The following WNT4 variants were observed in gnomAD, a reference collection of about 807,000 sequenced individuals.
WNT4 encodes the protein Wnt family member 4, also known as protein Wnt-4.
WNT4 carries 16 observed loss-of-function variants against 34.5 expected under a neutral mutation model. That is an observed-to-expected ratio of 0.46 (90% CI 0.31 to 0.70). The LOEUF (loss-of-function observed/expected upper bound fraction) is 0.70, where lower values mean the gene tolerates loss of function less well. WNT4 is among the 30% of genes least tolerant of loss of function. WNT4 has a pLI of 0.04. For missense variants in WNT4, 379 were observed against 495.9 expected, an observed-to-expected ratio of 0.76 and a Z score of 2.24; for synonymous variants, 200 against 211.9, an observed-to-expected ratio of 0.94 and a Z score of 0.49.
chr1:22,129,806 C>G lies in WNT4; in HGVS notation c.123G>C (p.Glu41Asp). Residue 41 changes from glutamate (E) to aspartate (D), a missense_variant, in exon 2 of 5, where the codon GAG (glutamate) becomes GAC (aspartate). Physicochemically the swap from Glu to Asp is conservative, Grantham distance 45. This residue lies in a region of WNT4 where 66 missense variants were observed against 50.1 expected (regional missense o/e 1.32). Coordinates refer to ENST00000290167, the MANE Select transcript of WNT4 (RefSeq NM_030761.5). ...TCAGGCCCTTGAGTTTCTCGCACGTCTCCTCCTCTGAGATGCTCCCCACCG... is the reference window on the plus strand; with the variant it reads ...TCAGGCCCTTGAGTTTCTCGCACGTGTCCTCCTCTGAGATGCTCCCCACCG... Reference protein sequence around the residue: ...LSSVGSISEEETCEKLKGLIQ... With the variant: ...LSSVGSISEEDTCEKLKGLIQ... 5 of 1,614,096 alleles carry G rather than the reference C, an allele frequency of 3.1e-6. No homozygotes were observed. Among genetic ancestry groups the G allele is most frequent in the Non-Finnish European group, 4.2e-6 (5 of 1,180,046 alleles).
Position 22,120,079 on chromosome 1 carries a change from G to A in WNT4, c.1027C>T (p.Arg343Trp), listed in dbSNP as rs374814132. The change falls in exon 5 of 5, where the codon CGG becomes TGG. Residue 343 changes from arginine to tryptophan, a missense_variant. By Grantham distance (101) the Arg-to-Trp change is moderately radical (BLOSUM62 -3). Around this residue, in one of 2 missense-constraint regions of WNT4, gnomAD observed 313 missense variants for 445.8 expected, o/e 0.70. Coordinates refer to ENST00000290167, the MANE Select transcript of WNT4 (RefSeq NM_030761.5). ...CGGCACGTGTGCAACTCCACGAGCC[G>A]CTGGCACTGCCGGCACTTGACGAAG... is the stretch of plus-strand genomic sequence containing the variant. ...CCFVKCRQCQ[R>W]LVELHTCR 17 of 1,611,396 alleles carry A rather than the reference G, an allele frequency of 1.1e-5. No homozygotes were observed. Among genetic ancestry groups the A allele is most frequent in the East Asian group, 2.2e-5 (1 of 44,884 alleles).
intron 2 of WNT4, among the ~76,000 whole-genome samples, chr1:22,123,140 T>A (rs1426036394): frequency 2.0e-5 from 3 of 152,210 alleles, no homozygotes; most frequent in African/African-American, 7.2e-5. Flanking sequence ...AGCACAAATC[T>A]TTGCCCCAAA....
At chr1:22,136,418 G>A (rs1317971320) in intron 1 of WNT4, among the ~76,000 whole-genome samples, 1 of 152,212 alleles carries the variant, frequency 6.6e-6, no homozygotes, top group Admixed American at 6.5e-5. Flanking sequence ...GGAAAGAGGA[G>A]GGACAGGTGA....
Position 22,142,756 on chromosome 1 carries a change from C to A in WNT4, c.77+90G>T, listed in dbSNP as rs1646080921. On this transcript the variant is annotated intron_variant, in intron 1 of 4. Coordinates refer to ENST00000290167, the MANE Select transcript of WNT4 (RefSeq NM_030761.5). The surrounding 1 kb of genome is among the most constrained non-coding windows in gnomAD (Gnocchi z 6.0). ...CCGAGACACCTGCCGGGCTGCCCCG[C>A]GCCCGCTGCCCCGCGCCGCCTGGCA... 2 of 892,882 alleles carry A rather than the reference C, an allele frequency of 2.2e-6. No homozygotes were observed. The highest frequency in any genetic ancestry group is 9.9e-5 in the South Asian group (2 of 20,166). 55.3% of individuals were successfully genotyped at this position (892,882 alleles called of 1,614,324 possible). A position where few individuals can be genotyped will look rare whatever the true frequency, so the allele number is the denominator to read the frequency against.
chr1:22,126,926 T>C (rs1317542191), intron 2 of WNT4: 1 of 261,264 alleles, frequency 3.8e-6, no homozygotes, highest in Non-Finnish European at 7.5e-6. Flanking sequence ...GCCTCACCCT[T>C]CCTCCATCTG....
At position 22,119,579 on chromosome 1, in the gene WNT4, G is replaced by C. The variant is rs1336402947; in HGVS notation, c.*471C>G. 6 of 194,964 alleles carry C rather than the reference G, an allele frequency of 3.1e-5. No homozygotes were observed. The highest frequency in any genetic ancestry group is 2.1e-4 in the Admixed American group (4 of 18,774). 12.1% of individuals were successfully genotyped at this position (194,964 alleles called of 1,614,324 possible). ...ATGGCTTCTAGGCTCAAGCTGCCAGGAGTCCATGTGTATGTGTGCTGGAGA... is the reference window on the plus strand; with the variant it reads ...ATGGCTTCTAGGCTCAAGCTGCCAGCAGTCCATGTGTATGTGTGCTGGAGA... On this transcript the variant is annotated 3_prime_UTR_variant, in exon 5 of 5. Transcript: ENST00000290167.
At chr1:22,124,997 C>T (rs543802343) in intron 2 of WNT4, among the ~76,000 whole-genome samples, 1 of 152,300 alleles carries the variant, frequency 6.6e-6, no homozygotes, top group Non-Finnish European at 1.5e-5. Flanking sequence ...CAGAAACCTA[C>T]CTTTTCTTGA....
chr1:22,131,653 G>A (rs1261378244), intron 1 of WNT4, among the ~76,000 whole-genome samples: 1 of 152,208 alleles, frequency 6.6e-6, no homozygotes, highest in Non-Finnish European at 1.5e-5. Context: ...AGGAATGCCC[G>A]TGATTTGCTG....
intron 1 of WNT4, among the ~76,000 whole-genome samples, chr1:22,132,537 T>C (rs1217145982): frequency 6.6e-6 from 1 of 152,198 alleles, no homozygotes; most frequent in Non-Finnish European, 1.5e-5. Flanking sequence ...TGGCCGGGCC[T>C]CAGGGGCCTG....
At chr1:22,123,773 C>T (rs1429101991) in intron 2 of WNT4, among the ~76,000 whole-genome samples, 1 of 152,182 alleles carries the variant, frequency 6.6e-6, no homozygotes, top group Non-Finnish European at 1.5e-5. Context: ...CCTGGGAATA[C>T]ACATGCAGTT....
At chr1:22,126,280 C>T (rs976146541) in intron 2 of WNT4, among the ~76,000 whole-genome samples, 2 of 152,090 alleles carry the variant, frequency 1.3e-5, no homozygotes, top group Admixed American at 6.5e-5. Context: ...AGTGGGAGAG[C>T]CCCCCCAGCC....
rs1290354302 is a variant in WNT4 at position 22,120,143 on chromosome 1, C to T, written c.963G>A (p.Glu321=). 6.2e-7 allele frequency: 1 copy of T among 1,613,366 alleles called. No homozygotes were observed. Among genetic ancestry groups the T allele is most frequent in the Non-Finnish European group, 8.5e-7 (1 of 1,179,892 alleles). ...ATTTGCAGCTGCAGCGTTCAGCCAG[C>T]TCCACCTGCGCCGTGTGGAAGCCGC... The part of the protein sequence containing the change: ...CGRGFHTAQV[E]LAERCSCKFH... Residue 321 remains glutamate (E), a synonymous_variant, in exon 5 of 5, where the codon GAG becomes GAA. Transcript: ENST00000290167.
At chr1:22,120,610 C>G in intron 4 of WNT4, 93 bp from the exon 5 acceptor site, 1 of 1,295,862 alleles carries the variant, frequency 7.7e-7, no homozygotes, top group Non-Finnish European at 1.1e-6. Flanking sequence ...ATCGGGGTCC[C>G]TGGGGCTGAC....
rs759526796 is a variant in WNT4, at chr1:22,121,550, C to A, written c.340G>T (p.Ala114Ser). The A allele has an allele frequency of 3.3e-5, 53 of 1,613,656 alleles. No individual in the cohort carries two copies. Among genetic ancestry groups the A allele is most frequent in the Non-Finnish European group, 4.2e-5 (49 of 1,180,038 alleles). ...QGTREAAFVY[A>S]ISSAGVAFAV... ...AAGGCCACACCTGCCGAAGAGATGGCGTACACGAAGGCCGCCTCCCGAGTC... is the reference window on the plus strand; with the variant it reads ...AAGGCCACACCTGCCGAAGAGATGGAGTACACGAAGGCCGCCTCCCGAGTC... Residue 114 changes from alanine (A) to serine (S), a missense_variant, in exon 3 of 5, where the codon GCC (alanine) becomes TCC (serine). Physicochemically the swap from Ala to Ser is moderately conservative, Grantham distance 99. Transcript: ENST00000290167.
intron 2 of WNT4, among the ~76,000 whole-genome samples, chr1:22,127,694 G>T (rs1323843065): frequency 6.6e-6 from 1 of 152,212 alleles, no homozygotes; most frequent in Non-Finnish European, 1.5e-5. Flanking sequence ...AGCTGTTGGT[G>T]AATCAAGTGA....
Position 22,119,657 on chromosome 1 carries a change from T to C in WNT4, c.*393A>G. On this transcript the variant is annotated 3_prime_UTR_variant, in exon 5 of 5. Transcript: ENST00000290167. ...TGACTTCCATCAAGTCGGTACCTAT[T>C]TTCCCTGCCATAAGGCCCCCTCTTC... The C allele has an allele frequency of 3.1e-6, 1 of 323,232 alleles. No homozygotes were observed. The highest frequency in any genetic ancestry group is 3.2e-5 in the South Asian group (1 of 31,382). The allele number at this position is 323,232 out of a possible 1,614,324, so 20.0% of individuals were successfully genotyped here. A position where few individuals can be genotyped will look rare whatever the true frequency, so the allele number is the denominator to read the frequency against.
At chr1:22,133,740 G>A (rs962164822) in intron 1 of WNT4, among the ~76,000 whole-genome samples, 3 of 152,220 alleles carry the variant, frequency 2.0e-5, no homozygotes, top group Non-Finnish European at 4.4e-5. Flanking sequence ...GACCGCCCCT[G>A]CTGCTGCTAC....
intron 2 of WNT4, among the ~76,000 whole-genome samples, chr1:22,122,188 G>A (rs1645905014): frequency 6.6e-6 from 1 of 152,150 alleles, no homozygotes; most frequent in Non-Finnish European, 1.5e-5. Flanking sequence ...AGAGTAAACC[G>A]TAATAACAAC....
At chr1:22,125,264 T>C (rs1045899906) in intron 2 of WNT4, among the ~76,000 whole-genome samples, 2 of 151,886 alleles carry the variant, frequency 1.3e-5, no homozygotes, top group African/African-American at 4.8e-5. Context: ...TCTAATTGTC[T>C]TGTGTGTGTC....
Sources: allele counts gnomAD v4.1 joint callset (sites outside exome capture counted in the v4.1 genomes callset), GRCh38; gene constraint gnomAD v4.1.1; regional missense constraint gnomAD v4.1.1; non-coding constraint Gnocchi (gnomAD v3.1); transcripts MANE v1.5; gene names NCBI Gene and HGNC (gene_info 2026-07-23, HGNC 2026-07-21).